The following COPG2 variants were observed in gnomAD, a reference collection of about 807,000 sequenced individuals.
COPG2 encodes coat protein complex I subunit gamma 2, also known as coatomer subunit gamma-2.
Under a neutral mutation model 46.3 loss-of-function variants are expected in COPG2, and 37 were observed. The observed-to-expected ratio is 0.80, with a 90% CI of 0.61 to 1.05. The LOEUF (loss-of-function observed/expected upper bound fraction) is 1.05, where lower values mean the gene tolerates loss of function less well. Among genes scored for constraint, COPG2 ranks in the 50% least tolerant of loss-of-function variants. COPG2 has a pLI of 0.00. For synonymous variants in COPG2, 159 were observed against 129.7 expected (o/e 1.23, Z -1.53); for missense variants, 427 against 387.8 (o/e 1.10, Z -0.85).
intron 9 of COPG2, chr7:130,604,820 G>T (rs1187146162): frequency 4.2e-6 from 2 of 473,258 alleles, no homozygotes; most frequent in Admixed American, 2.4e-5. Context: ...TTGTACTGTT[G>T]TCAGAATAAT....
chr7:130,585,438 A>G (rs1234792753), intron 9 of COPG2, among the ~76,000 whole-genome samples: 6 of 152,112 alleles, frequency 3.9e-5, no homozygotes, highest in African/African-American at 1.4e-4. Context: ...ACCCAAAAGC[A>G]AATGCAATAA....
chr7:130,623,215 T>C (rs1795066250), intron 5 of COPG2, among the ~76,000 whole-genome samples: 1 of 152,238 alleles, frequency 6.6e-6, no homozygotes, highest in Non-Finnish European at 1.5e-5. Context: ...TAAATGCTTC[T>C]GTCTTTTCAC....
At chr7:130,596,378 T>C (rs1351245934) in intron 9 of COPG2, among the ~76,000 whole-genome samples, 1 of 152,190 alleles carries the variant, frequency 6.6e-6, no homozygotes, top group African/African-American at 2.4e-5. Flanking sequence ...TCTAGGCCTA[T>C]TGTTTTAAGG....
At chr7:130,604,224 G>A (rs1794688349) in intron 9 of COPG2, among the ~76,000 whole-genome samples, 1 of 152,116 alleles carries the variant, frequency 6.6e-6, no homozygotes, top group South Asian at 2.1e-4. Flanking sequence ...CACAAATGTA[G>A]GCATTTCTGT....
At chr7:130,639,973 G>A (rs1175596463) in intron 5 of COPG2, among the ~76,000 whole-genome samples, 6 of 151,948 alleles carry the variant, frequency 3.9e-5, no homozygotes, top group East Asian at 1.9e-4. Context: ...CCCAACAGCC[G>A]TCCCTTTTCT....
chr7:130,641,600 T>TAGTTA (rs1554457291), intron 5 of COPG2, among the ~76,000 whole-genome samples: 2 of 152,172 alleles, frequency 1.3e-5, no homozygotes. Flanking sequence ...ACTTTTAAAA[T>TAGTTA]TAACTAAGTA....
At chr7:130,530,522 A>T (rs1256140008) in intron 20 of COPG2, among the ~76,000 whole-genome samples, 9 of 152,194 alleles carry the variant, frequency 5.9e-5, no homozygotes, top group African/African-American at 2.2e-4. Flanking sequence ...GAGAGGATGG[A>T]AAAGTTTGAG....
At chr7:130,547,948 C>T in intron 19 of COPG2, 103 bp from the exon 20 acceptor site, 1 of 397,770 alleles carries the variant, frequency 2.5e-6, no homozygotes, top group East Asian at 3.6e-5. Context: ...TCTATCTCTA[C>T]AGAGCAGGGT....
rs536643205 is a variant in COPG2, at chr7:130,649,727, T to C, written c.323+3142A>G. On this transcript the variant is annotated intron_variant, in intron 5 of 23. Transcript: ENST00000425248. ...ATAGAGTCATTAACATCCATATTTC[T>C]ATTGTCATGGCAATCTAGGCGTTTT... Among the ~76,000 whole-genome samples, 12 of 152,356 alleles carry C rather than the reference T, an allele frequency of 7.9e-5. No homozygotes were observed. In the South Asian group the frequency reaches 2.5e-3, roughly 32 times the overall value.
chr7:130,611,176 A>G (rs1584577622), intron 8 of COPG2, 66 bp from the exon 9 acceptor site: 3 of 1,413,746 alleles, frequency 2.1e-6, no homozygotes, highest in East Asian at 4.6e-5. Context: ...ACACAAAAAT[A>G]GAATTACACG....
intron 4 of COPG2, among the ~76,000 whole-genome samples, chr7:130,659,633 G>T (rs560633817): frequency 6.6e-6 from 1 of 152,058 alleles, no homozygotes; most frequent in Admixed American, 6.6e-5. Context: ...AACACTGCAG[G>T]CTGGGTGTGG....
At chr7:130,509,946 A>C in intron 20 of COPG2, 1 of 471,492 alleles carries the variant, frequency 2.1e-6, no homozygotes, top group Non-Finnish European at 4.3e-6. Context: ...ATGTACAAAC[A>C]GGCAAAAGGA....
chr7:130,506,620 C>A lies in COPG2; in HGVS notation c.*56G>T. The A allele has an allele frequency of 1.5e-6, 1 of 659,788 alleles. No homozygotes were observed. Among genetic ancestry groups the A allele is most frequent in the Admixed American group, 2.3e-5 (1 of 44,404 alleles). The allele number at this position is 659,788 out of a possible 1,614,324, so 40.9% of individuals were successfully genotyped here. ...GATTCTGGGAAACTGATGCCACTAG[C>A]CTAAAAGCCCACTGACCATGTAGTG... On this transcript the variant is annotated 3_prime_UTR_variant, in exon 24 of 24. Coordinates refer to ENST00000425248, the MANE Select transcript of COPG2 (RefSeq NM_012133.6).
chr7:130,536,103 A>G (rs1369277502), intron 20 of COPG2, among the ~76,000 whole-genome samples: 2 of 152,026 alleles, frequency 1.3e-5, no homozygotes, highest in Non-Finnish European at 2.9e-5. Context: ...GGGTCAGGGC[A>G]TAAAGGGTGG....
At chr7:130,658,795 C>T (rs1053056736) in intron 4 of COPG2, among the ~76,000 whole-genome samples, 2 of 152,094 alleles carry the variant, frequency 1.3e-5, no homozygotes, top group African/African-American at 4.8e-5. Flanking sequence ...ATTCTCCCAC[C>T]TCAGCCTCCC....
At chr7:130,616,961 T>C (rs1794960050) in intron 6 of COPG2, 29 bp downstream of exon 6, 2 of 1,480,258 alleles carry the variant, frequency 1.4e-6, no homozygotes, top group Non-Finnish European at 9.4e-7. Flanking sequence ...AGTGTTCCAT[T>C]TGGTAACTCA....
chr7:130,525,490 C>T (rs1490099345), intron 20 of COPG2, among the ~76,000 whole-genome samples: 1 of 152,090 alleles, frequency 6.6e-6, no homozygotes, highest in Non-Finnish European at 1.5e-5. Flanking sequence ...AGGGACTTGG[C>T]AATGGACTCG....
intron 20 of COPG2, among the ~76,000 whole-genome samples, chr7:130,529,961 C>G (rs1054443976): frequency 6.6e-6 from 1 of 152,072 alleles, no homozygotes; most frequent in Non-Finnish European, 1.5e-5. Flanking sequence ...GGAGGAGGGC[C>G]TTCAAAAGTT....
chr7:130,522,962 GA>G (rs1799736920), intron 20 of COPG2, among the ~76,000 whole-genome samples: 2 of 150,936 alleles, frequency 1.3e-5, no homozygotes, highest in African/African-American at 4.9e-5. Context: ...TACTTAAAAA[GA>G]AAAAAATCAG....
Sources: allele counts gnomAD v4.1 joint callset (sites outside exome capture counted in the v4.1 genomes callset), GRCh38; gene constraint gnomAD v4.1.1; transcripts MANE v1.5; gene names NCBI Gene and HGNC (gene_info 2026-07-23, HGNC 2026-07-21).